The following NCALD variants were observed in gnomAD, a reference collection of about 807,000 sequenced individuals.
NCALD encodes the protein neurocalcin-delta.
NCALD carries 10 observed loss-of-function variants against 18.6 expected under a neutral mutation model. That is an observed-to-expected ratio of 0.54 (90% CI 0.33 to 0.91). The LOEUF (loss-of-function observed/expected upper bound fraction) is 0.91. Among genes scored for constraint, NCALD ranks in the 40% least tolerant of loss-of-function variants. The pLI is 0.03. For missense variants in NCALD, 184 were observed against 247.6 expected, an observed-to-expected ratio of 0.74 and a Z score of 1.72; for synonymous variants, 88 against 87.4, an observed-to-expected ratio of 1.01 and a Z score of -0.04.
intron 1 of NCALD, among the ~76,000 whole-genome samples, chr8:101,747,615 G>A (rs1423791212): frequency 6.6e-6 from 1 of 152,064 alleles, no homozygotes; most frequent in Non-Finnish European, 1.5e-5. Flanking sequence ...CATCCCAACT[G>A]GGACACCATG....
At chr8:101,714,797 C>A (rs1815987136) in intron 2 of NCALD, among the ~76,000 whole-genome samples, 1 of 149,880 alleles carries the variant, frequency 6.7e-6, no homozygotes, top group Admixed American at 6.6e-5. Flanking sequence ...GAGATCGAGA[C>A]CATCCTGGCT....
intron 2 of NCALD, among the ~76,000 whole-genome samples, chr8:101,977,950 A>G (rs1241077485): frequency 6.6e-6 from 1 of 152,100 alleles, no homozygotes; most frequent in Non-Finnish European, 1.5e-5. Context: ...AGAGCAGGAA[A>G]TGAGCAAGCC....
At chr8:101,995,141 T>C (rs1004197935) in intron 2 of NCALD, among the ~76,000 whole-genome samples, 3 of 152,140 alleles carry the variant, frequency 2.0e-5, no homozygotes, top group Non-Finnish European at 4.4e-5. Flanking sequence ...ACTGGGGACT[T>C]CTTGAGAACA....
At chr8:101,915,501 A>C (rs1817942767) in intron 3 of NCALD, 1 of 152,248 alleles carries the variant, frequency 6.6e-6, no homozygotes. Flanking sequence ...AGACTCTGGC[A>C]GCTGCCTGGG....
At chr8:101,966,534 A>G (rs1449754201) in intron 2 of NCALD, among the ~76,000 whole-genome samples, 1 of 151,906 alleles carries the variant, frequency 6.6e-6, no homozygotes. Context: ...CTAATGCTAA[A>G]TGACGAGTTA....
chr8:101,767,991 A>C (rs1254781625), intron 1 of NCALD, among the ~76,000 whole-genome samples: 1 of 152,148 alleles, frequency 6.6e-6, no homozygotes, highest in Non-Finnish European at 1.5e-5. Context: ...TATTTTCCTA[A>C]TCTCACAGCA....
intron 1 of NCALD, among the ~76,000 whole-genome samples, chr8:102,111,970 T>C (rs1480009221): frequency 6.6e-6 from 1 of 152,214 alleles, no homozygotes; most frequent in East Asian, 1.9e-4. Flanking sequence ...AATTAGAACT[T>C]TTTAATTTCA....
chr8:101,848,016 T>A (rs1814938295), intron 4 of NCALD, among the ~76,000 whole-genome samples: 1 of 152,082 alleles, frequency 6.6e-6, no homozygotes. Flanking sequence ...GGAACAAACC[T>A]TACAAAAGTT....
chr8:101,822,187 AT>A (rs768983225), intron 4 of NCALD, among the ~76,000 whole-genome samples: 6 of 152,228 alleles, frequency 3.9e-5, no homozygotes, highest in Non-Finnish European at 8.8e-5. Context: ...TATAGAATGT[AT>A]TCCTCGATTT....
intron 1 of NCALD, among the ~76,000 whole-genome samples, chr8:102,078,762 C>G (rs1486514445): frequency 6.6e-6 from 1 of 152,192 alleles, no homozygotes; most frequent in Non-Finnish European, 1.5e-5. Context: ...GCATGACATT[C>G]CCCCATCCAA....
At chr8:101,833,197 A>T (rs1376349219) in intron 4 of NCALD, among the ~76,000 whole-genome samples, 30 of 152,314 alleles carry the variant, frequency 2.0e-4, no homozygotes, top group Non-Finnish European at 5.9e-5. Flanking sequence ...GTGTACACAG[A>T]TCACCTCGGG....
intron 1 of NCALD, among the ~76,000 whole-genome samples, chr8:102,121,888 CTCTG>C (rs1302890651): frequency 6.6e-6 from 1 of 152,294 alleles, no homozygotes; most frequent in African/African-American, 2.4e-5. Flanking sequence ...TGGTCCTCCT[CTCTG>C]TCTATTATTC....
chr8:101,998,572 C>T (rs1821323660), intron 2 of NCALD, among the ~76,000 whole-genome samples: 1 of 152,308 alleles, frequency 6.6e-6, no homozygotes, highest in South Asian at 2.1e-4. Context: ...CCCTTCACAG[C>T]TCTGGCTTCT....
At chr8:101,821,881 TAAAAA>T (rs370878560) in intron 4 of NCALD, among the ~76,000 whole-genome samples, 4 of 116,504 alleles carry the variant, frequency 3.4e-5, no homozygotes, top group Admixed American at 9.2e-5. Flanking sequence ...GGGTTCTAAG[TAAAAA>T]AAAAAAAAAA....
At chr8:101,967,986 T>C (rs946352753) in intron 2 of NCALD, among the ~76,000 whole-genome samples, 3 of 152,140 alleles carry the variant, frequency 2.0e-5, no homozygotes, top group Non-Finnish European at 2.9e-5. Flanking sequence ...CCCAGATCAC[T>C]AGCCATGAGA....
rs996921271 is a variant in NCALD at position 102,093,545 on chromosome 8, C to T, written c.-210+30692G>A. On this transcript the variant is annotated intron_variant, in intron 1 of 6. Transcript: ENST00000311028. The stretch of plus-strand genomic sequence containing the variant: ...AAGGTAGGTTTTGGGTAAAGATCCT[C>T]AAGAGGATTGACTCAGCTAGGAGGG... Among the ~76,000 whole-genome samples, 9 of 152,356 alleles carry T rather than the reference C, an allele frequency of 5.9e-5. No individual in the cohort carries two copies. In the East Asian group the frequency reaches 1.7e-3, roughly 29 times the overall value.
chr8:102,106,769 C>T (rs569773142), intron 1 of NCALD, among the ~76,000 whole-genome samples: 2 of 152,234 alleles, frequency 1.3e-5, no homozygotes, highest in East Asian at 1.9e-4. Context: ...GTGTGTAATG[C>T]ATGCACTCTG....
chr8:101,892,410 G>A (rs1165801902), intron 3 of NCALD, among the ~76,000 whole-genome samples: 1 of 148,988 alleles, frequency 6.7e-6, no homozygotes, highest in Admixed American at 6.6e-5. Context: ...ACAAAGACGG[G>A]GAAAAAACAA....
chr8:101,974,820 AT>A (rs1156757909), intron 2 of NCALD, among the ~76,000 whole-genome samples: 2 of 152,236 alleles, frequency 1.3e-5, no homozygotes, highest in Non-Finnish European at 2.9e-5. Context: ...CACCTTAGTT[AT>A]GCCAGAAAGG....
Sources: allele counts gnomAD v4.1 joint callset (sites outside exome capture counted in the v4.1 genomes callset), GRCh38; gene constraint gnomAD v4.1.1; transcripts MANE v1.5; gene names NCBI Gene and HGNC (gene_info 2026-07-23, HGNC 2026-07-21).